ARID4A: variants seen among roughly 807,000 people sequenced by gnomAD.
ARID4A encodes AT-rich interactive domain-containing protein 4A.
In ARID4A, 39 loss-of-function variants were observed where a neutral mutation model predicts 148.6. The ratio of observed to expected loss-of-function variants is 0.26; its 90% confidence interval spans 0.20 to 0.34. ARID4A has a LOEUF of 0.34. Ranked by LOEUF, ARID4A falls within the 10% of genes least tolerant of loss-of-function variation. The pLI, the probability that ARID4A is intolerant of heterozygous loss-of-function variation, is 1.00. For missense variants in ARID4A, 1,265 were observed against 1,449.1 expected (o/e 0.87, Z 2.06); for synonymous variants, 475 against 481.2 (o/e 0.99, Z 0.17).
chr14:58,361,260 T>C (rs574325213), intron 19 of ARID4A, among the ~76,000 whole-genome samples: 1 of 152,240 alleles, frequency 6.6e-6, no homozygotes, highest in African/African-American at 2.4e-5. Flanking sequence ...TTTTTTAATA[T>C]TGCATATACA....
chr14:58,331,149 G>A (rs1415746775), intron 11 of ARID4A: 1 of 152,120 alleles, frequency 6.6e-6, no homozygotes, highest in Non-Finnish European at 1.5e-5. Flanking sequence ...GCAGTATTTG[G>A]TTTTTTTACA....
intron 17 of ARID4A, among the ~76,000 whole-genome samples, chr14:58,356,928 T>C (rs529348735): frequency 6.6e-6 from 1 of 152,236 alleles, no homozygotes; most frequent in East Asian, 1.9e-4. Flanking sequence ...TCTCGATTTC[T>C]TGACCTTGTG....
At chr14:58,330,450 G>GA (rs1216847205) in intron 11 of ARID4A, among the ~76,000 whole-genome samples, 14 of 151,770 alleles carry the variant, frequency 9.2e-5, no homozygotes, top group Non-Finnish European at 1.8e-4. Context: ...ACCCAGGAGG[G>GA]AAAAAAATGT....
intron 5 of ARID4A, among the ~76,000 whole-genome samples, chr14:58,317,353 C>T (rs1237023645): frequency 2.1e-5 from 3 of 144,340 alleles, no homozygotes; most frequent in Non-Finnish European, 4.5e-5. Context: ...GGTGCAATCT[C>T]GGCTCACTGC....
chr14:58,337,737 A>G (rs1315179050), intron 11 of ARID4A, among the ~76,000 whole-genome samples: 1 of 152,206 alleles, frequency 6.6e-6, no homozygotes, highest in East Asian at 1.9e-4. Flanking sequence ...TTATTGAGTA[A>G]CAATGCTCCT....
intron 19 of ARID4A, among the ~76,000 whole-genome samples, chr14:58,361,835 G>T (rs1010338417): frequency 4.8e-4 from 73 of 152,288 alleles, no homozygotes; most frequent in African/African-American, 1.8e-3. Flanking sequence ...TGCCCAAAAA[G>T]TTGTGGAATT....
Position 58,330,078 on chromosome 14 carries a change from T to A in ARID4A, c.815T>A (p.Leu272His). Reference sequence around the variant, plus strand: ...TGGAAAATGGATATAAGTGAAATCCTTGAGTCATCCAGTAGTGATGATGAA... The same window carrying A: ...TGGAAAATGGATATAAGTGAAATCCATGAGTCATCCAGTAGTGATGATGAA... ...DNWKMDISEILESSSSDDEDG... is the reference protein window; with the variant it reads ...DNWKMDISEIHESSSSDDEDG... Residue 272 changes from leucine to histidine, a missense_variant, in exon 11 of 24, where the codon CTT (leucine) becomes CAT (histidine). This residue lies in a region of ARID4A where 249 missense variants were observed against 277.2 expected (regional missense o/e 0.90). Transcript: ENST00000355431. The A allele has an allele frequency of 6.2e-7, 1 of 1,613,426 alleles. No individual in the cohort carries two copies. The highest frequency in any genetic ancestry group is 8.5e-7 in the Non-Finnish European group (1 of 1,179,804).
intron 5 of ARID4A, among the ~76,000 whole-genome samples, chr14:58,308,001 C>CGTT: frequency 1.7e-5 from 1 of 58,602 alleles, no homozygotes. Context: ...AGGTTGTACT[C>CGTT]ACTTTGAAGC....
chr14:58,315,239 T>TA (rs895733095), intron 5 of ARID4A, among the ~76,000 whole-genome samples: 22 of 151,846 alleles, frequency 1.4e-4, no homozygotes, highest in African/African-American at 4.8e-4. Flanking sequence ...TCTCTTTTTT[T>TA]AAAAAAAAAT....
At chr14:58,299,899 A>G (rs1957038) in intron 2 of ARID4A, 39 bp downstream of exon 2, 1,145,082 of 1,613,038 alleles carry the variant, frequency 0.71, 410,838 homozygotes, top group Middle Eastern at 0.84. Context: ...TCGCGCCCTG[A>G]ACACTGCCAA....
intron 3 of ARID4A, among the ~76,000 whole-genome samples, chr14:58,303,148 CCTT>C (rs1243007662): frequency 5.3e-5 from 8 of 151,948 alleles, no homozygotes; most frequent in African/African-American, 9.7e-5. Flanking sequence ...ATGAAGTCCT[CCTT>C]AAAAAATTTT....
intron 19 of ARID4A, 123 bp from the exon 20 acceptor site, chr14:58,364,047 A>G (rs1037384928): frequency 1.6e-5 from 7 of 448,904 alleles, no homozygotes; most frequent in Admixed American, 4.7e-5. Flanking sequence ...AGAAATTTCT[A>G]CAGGGAGGTA....
In ARID4A at chr14:58,365,185, T is replaced by C. The variant is rs979743004; in HGVS notation, c.3096T>C (p.Ile1032=). 1 of 1,614,122 alleles carries C rather than the reference T, an allele frequency of 6.2e-7. No individual in the cohort carries two copies. Among genetic ancestry groups the C allele is most frequent in the South Asian group, 1.1e-5 (1 of 91,080 alleles). ...ATATAACGATTGAAGTTGATAGTAT[T>C]GCTGAAGAATCTCAAGAAGGTCTCT... ...ESDITIEVDS[I]AEESQEGLCE... Residue 1032 remains isoleucine, a synonymous_variant, in exon 20 of 24, where the codon ATT becomes ATC. Coordinates refer to ENST00000355431, the MANE Select transcript of ARID4A (RefSeq NM_002892.4).
At chr14:58,301,016 G>A (rs2031118415) in intron 2 of ARID4A, among the ~76,000 whole-genome samples, 1 of 152,086 alleles carries the variant, frequency 6.6e-6, no homozygotes, top group African/African-American at 2.4e-5. Context: ...TACAAGTCTG[G>A]AGCCATCAGT....
intron 11 of ARID4A, 137 bp downstream of exon 11, chr14:58,330,306 T>G: frequency 7.9e-7 from 1 of 1,270,728 alleles, no homozygotes; most frequent in Non-Finnish European, 1.1e-6. Flanking sequence ...AATTTGGGTG[T>G]TGAGGAAGCA....
intron 11 of ARID4A, among the ~76,000 whole-genome samples, chr14:58,339,369 AC>A: frequency 6.6e-6 from 1 of 152,194 alleles, no homozygotes; most frequent in South Asian, 2.1e-4. Flanking sequence ...GTATAGGGAA[AC>A]CACAAAGATC....
intron 2 of ARID4A, 46 bp from the exon 3 acceptor site, chr14:58,301,534 G>A (rs750850339): frequency 1.5e-6 from 2 of 1,366,592 alleles, no homozygotes; most frequent in Admixed American, 1.7e-5. Flanking sequence ...GGTTGGAGTA[G>A]GGAGGCATAG....
rs750307908 is a variant in ARID4A at position 58,351,077 on chromosome 14, G to A, written c.1409G>A (p.Arg470Gln). ...EEIELKSPRGRRRIARDVNSI... is the reference protein window; with the variant it reads ...EEIELKSPRGQRRIARDVNSI... ...AGCTTTTATCCCCTCTACTAGGGACGAAGGAGAATTGCTCGAGATGTAAAT... is the reference window on the plus strand; with the variant it reads ...AGCTTTTATCCCCTCTACTAGGGACAAAGGAGAATTGCTCGAGATGTAAAT... The change falls in exon 16 of 24, where the codon CGA (arginine) becomes CAA (glutamine). Residue 470 changes from arginine to glutamine, a missense_variant. Transcript: ENST00000355431. 13 of 1,591,434 alleles carry A rather than the reference G, an allele frequency of 8.2e-6. No homozygotes were observed. Among genetic ancestry groups the A allele is most frequent in the African/African-American group, 4.1e-5 (3 of 73,154 alleles).
At chr14:58,299,045 C>A (rs1052370316) in intron 1 of ARID4A, among the ~76,000 whole-genome samples, 1 of 152,160 alleles carries the variant, frequency 6.6e-6, no homozygotes, top group Non-Finnish European at 1.5e-5. Flanking sequence ...TCTGCGGAGT[C>A]CGTGGCAGGA....
Sources: gnomAD v4.1 joint callset for allele counts (sites outside exome capture counted in the v4.1 genomes callset) on GRCh38, gnomAD v4.1.1 for gene constraint, gnomAD v4.1.1 regional missense constraint, MANE v1.5 for transcripts, NCBI Gene and HGNC (gene_info 2026-07-23, HGNC 2026-07-21) for gene names.